The following FAM13C variants were observed in gnomAD, a reference collection of about 807,000 sequenced individuals.
FAM13C encodes the protein family with sequence similarity 13 member C, also known as protein FAM13C.
FAM13C carries 37 observed loss-of-function variants against 73.2 expected under a neutral mutation model. That is an observed-to-expected ratio of 0.51 (90% CI 0.39 to 0.67). FAM13C has a LOEUF of 0.67. Among genes scored for constraint, FAM13C ranks in the 30% least tolerant of loss-of-function variants. FAM13C has a pLI of 0.00. For synonymous variants in FAM13C, 246 were observed against 260.9 expected (o/e 0.94, Z 0.55); for missense variants, 589 against 715.6 (o/e 0.82, Z 2.02).
At chr10:59,342,939 G>C (rs1373902768) in intron 3 of FAM13C, among the ~76,000 whole-genome samples, 1 of 152,158 alleles carries the variant, frequency 6.6e-6, no homozygotes, top group Non-Finnish European at 1.5e-5. Context: ...AGAACACAAG[G>C]ATGTGCATTT....
At chr10:59,320,133 A>G (rs1850025585) in intron 4 of FAM13C, among the ~76,000 whole-genome samples, 1 of 152,144 alleles carries the variant, frequency 6.6e-6, no homozygotes, top group South Asian at 2.1e-4. Flanking sequence ...AAAAATTGAA[A>G]TCTACTCCTC....
chr10:59,339,144 C>T (rs1286087460), intron 3 of FAM13C, among the ~76,000 whole-genome samples: 1 of 152,114 alleles, frequency 6.6e-6, no homozygotes, highest in African/African-American at 2.4e-5. Flanking sequence ...GTCTGCTCCT[C>T]TACTTGTAAG....
intron 4 of FAM13C, among the ~76,000 whole-genome samples, chr10:59,312,327 C>T (rs1451555547): frequency 1.3e-5 from 2 of 152,250 alleles, no homozygotes. Context: ...AGCCTAAATG[C>T]TGCCTGTTCC....
chr10:59,267,663 C>G (rs1843214180), intron 8 of FAM13C, among the ~76,000 whole-genome samples: 1 of 152,106 alleles, frequency 6.6e-6, no homozygotes, highest in Non-Finnish European at 1.5e-5. Context: ...GAATATTATC[C>G]ATTCTCACCT....
In FAM13C at chr10:59,356,055, T is replaced by C. The variant is rs148843635; in HGVS notation, c.63-112A>G. 241 of 930,278 alleles carry C rather than the reference T, an allele frequency of 2.6e-4. 2 individuals are homozygous for C. In the East Asian group the frequency reaches 5.7e-3, roughly 22 times the overall value. The allele number at this position is 930,278 out of a possible 1,614,324, so 57.6% of individuals were successfully genotyped here. On this transcript the variant is annotated intron_variant, in intron 1 of 13. Transcript: ENST00000618804. ...CATGGAAAACTAAAAGATGAAACAC[T>C]CCCTATCATTCTCTCCCAAATAAGT...
At chr10:59,323,599 C>T (rs1850656654) in intron 4 of FAM13C, 1 of 233,360 alleles carries the variant, frequency 4.3e-6, no homozygotes, top group South Asian at 5.7e-5. Context: ...AAATGAGAGA[C>T]TACGTAAAAA....
intron 4 of FAM13C, 84 bp from the exon 5 acceptor site, chr10:59,302,948 C>A (rs1847770829): frequency 8.1e-7 from 1 of 1,231,378 alleles, no homozygotes; most frequent in Non-Finnish European, 1.2e-6. Flanking sequence ...ACAAATCTGG[C>A]TGTACCCCTG....
chr10:59,275,401 G>T (rs1564512019), intron 6 of FAM13C, among the ~76,000 whole-genome samples: 2 of 152,160 alleles, frequency 1.3e-5, no homozygotes, highest in African/African-American at 2.4e-5. Context: ...CTGGGCCTGG[G>T]AGGCATCAAG....
intron 3 of FAM13C, among the ~76,000 whole-genome samples, chr10:59,326,473 G>T (rs928223727): frequency 5.9e-5 from 9 of 152,106 alleles, no homozygotes; most frequent in African/African-American, 1.9e-4. Flanking sequence ...GTCATGACAG[G>T]CTGCCCTTCC....
intron 10 of FAM13C, among the ~76,000 whole-genome samples, chr10:59,257,622 A>G (rs1842066854): frequency 1.3e-5 from 2 of 152,214 alleles, no homozygotes; most frequent in African/African-American, 2.4e-5. Context: ...TTTCCTGTCT[A>G]AGTATCCCCA....
At chr10:59,251,424 A>C (rs1287842502) in intron 13 of FAM13C, 151 bp downstream of exon 13, 4 of 709,332 alleles carry the variant, frequency 5.6e-6, no homozygotes, top group Non-Finnish European at 1.0e-5. Flanking sequence ...CACTATTAGA[A>C]TGTTGCATTG....
chr10:59,336,290 A>C (rs563294908), intron 3 of FAM13C, among the ~76,000 whole-genome samples: 1 of 152,200 alleles, frequency 6.6e-6, no homozygotes, highest in Non-Finnish European at 1.5e-5. Flanking sequence ...AATGCTGCTT[A>C]TCAGCTTCTA....
intron 1 of FAM13C, 94 bp downstream of exon 1, chr10:59,362,305 C>T: frequency 5.9e-6 from 9 of 1,522,890 alleles, no homozygotes; most frequent in East Asian, 2.4e-5. Context: ...GCATCTAAAA[C>T]GAACAGCGGC....
intron 4 of FAM13C, among the ~76,000 whole-genome samples, chr10:59,310,715 A>T (rs989441679): frequency 6.6e-6 from 1 of 152,200 alleles, no homozygotes; most frequent in African/African-American, 2.4e-5. Context: ...AGGATGCTTC[A>T]GCTAGAAACA....
At chr10:59,323,668 C>A (rs767132405) in intron 4 of FAM13C, among the ~76,000 whole-genome samples, 1 of 152,188 alleles carries the variant, frequency 6.6e-6, no homozygotes, top group African/African-American at 2.4e-5. Flanking sequence ...AAAGGAAAAT[C>A]TAATTCCCTC....
At chr10:59,271,908 C>T (rs895923277) in intron 6 of FAM13C, among the ~76,000 whole-genome samples, 2 of 152,166 alleles carry the variant, frequency 1.3e-5, no homozygotes, top group Non-Finnish European at 1.5e-5. Context: ...AGACCTTCAA[C>T]CCTTCAGCTC....
chr10:59,344,781 C>A (rs1027626414), intron 3 of FAM13C, among the ~76,000 whole-genome samples: 1 of 152,144 alleles, frequency 6.6e-6, no homozygotes, highest in Non-Finnish European at 1.5e-5. Context: ...CCAACTGCAG[C>A]TATAGACCAT....
At chr10:59,286,229 C>T (rs1287623118) in intron 5 of FAM13C, among the ~76,000 whole-genome samples, 1 of 152,038 alleles carries the variant, frequency 6.6e-6, no homozygotes, top group South Asian at 2.1e-4. Context: ...TAAAATTCAT[C>T]GAAGCTGGAA....
At chr10:59,279,285 C>T (rs958810282) in intron 6 of FAM13C, among the ~76,000 whole-genome samples, 7 of 152,124 alleles carry the variant, frequency 4.6e-5, no homozygotes, top group African/African-American at 1.7e-4. Flanking sequence ...GTCAAGTGGA[C>T]AGTGTCTGGA....
Sources: gnomAD v4.1 joint callset for allele counts (sites outside exome capture counted in the v4.1 genomes callset) on GRCh38, gnomAD v4.1.1 for gene constraint, MANE v1.5 for transcripts, NCBI Gene and HGNC (gene_info 2026-07-23, HGNC 2026-07-21) for gene names.